Variants in PDE9A observed in about 807,000 individuals in gnomAD.
PDE9A encodes the protein phosphodiesterase 9A, also known as high affinity cGMP-specific 3',5'-cyclic phosphodiesterase 9A.
Under a neutral mutation model 87.4 loss-of-function variants are expected in PDE9A, and 60 were observed. That is an observed-to-expected ratio of 0.69 (90% CI 0.56 to 0.85). PDE9A has a LOEUF of 0.85. Among genes scored for constraint, PDE9A ranks in the 40% least tolerant of loss-of-function variants. PDE9A has a pLI of 0.00. For missense variants in PDE9A, 665 were observed against 779.0 expected (o/e 0.85, Z 1.74); for synonymous variants, 272 against 279.4 (o/e 0.97, Z 0.27).
chr21:42,716,711 T>C (rs1237524376), intron 4 of PDE9A, among the ~76,000 whole-genome samples: 1 of 150,792 alleles, frequency 6.6e-6, no homozygotes, highest in Non-Finnish European at 1.5e-5. Flanking sequence ...TATATCTGCA[T>C]ACATTTTAAG....
Position 42,759,025 on chromosome 21 carries a change from C to T in PDE9A, c.837C>T (p.Tyr279=). 1 of 1,614,080 alleles carries T rather than the reference C, an allele frequency of 6.2e-7. No homozygotes were observed. ...NEMLSCLEHM[Y]HDLGLVRDFS... The stretch of plus-strand genomic sequence containing the variant: ...TGCTGAGCTGCCTGGAGCACATGTA[C>T]CACGACCTCGGGCTGGTCAGGGACT... The change falls in exon 11 of 20, where the codon TAC becomes TAT. Residue 279 remains tyrosine (Y), a synonymous_variant. Transcript: ENST00000291539. The surrounding 1 kb of genome is among the most constrained non-coding windows in gnomAD (Gnocchi z 7.2).
At chr21:42,703,202 G>A (rs1322137628) in intron 4 of PDE9A, among the ~76,000 whole-genome samples, 1 of 152,248 alleles carries the variant, frequency 6.6e-6, no homozygotes, top group Non-Finnish European at 1.5e-5. Flanking sequence ...TGCTGCGGGT[G>A]GGCTTGGTCT....
chr21:42,747,868 T>TG (rs951554085), intron 8 of PDE9A, among the ~76,000 whole-genome samples: 1 of 152,196 alleles, frequency 6.6e-6, no homozygotes, highest in Non-Finnish European at 1.5e-5. Context: ...AGAAGGGGGA[T>TG]GGGGACCCCA....
chr21:42,672,810 G>A (rs747015904), intron 1 of PDE9A, among the ~76,000 whole-genome samples: 85 of 152,220 alleles, frequency 5.6e-4, no homozygotes, highest in Admixed American at 2.6e-4. Flanking sequence ...AGTTGGATGT[G>A]GCTGCTAATC....
chr21:42,771,042 C>CA (rs1555959153), intron 18 of PDE9A, among the ~76,000 whole-genome samples: 1 of 152,234 alleles, frequency 6.6e-6, no homozygotes, highest in Non-Finnish European at 1.5e-5. Context: ...GTTTACTGGC[C>CA]GTGCCCTTCA....
chr21:42,685,167 T>G (rs1171751047), intron 1 of PDE9A, among the ~76,000 whole-genome samples: 1 of 152,230 alleles, frequency 6.6e-6, no homozygotes, highest in African/African-American at 2.4e-5. Flanking sequence ...TTCCGCGCTC[T>G]GTCCAGCCCT....
At chr21:42,677,724 T>C (rs937726661) in intron 1 of PDE9A, among the ~76,000 whole-genome samples, 1 of 152,070 alleles carries the variant, frequency 6.6e-6, no homozygotes, top group Non-Finnish European at 1.5e-5. Context: ...CTCACCGCAG[T>C]CTCCACATCC....
Position 42,659,492 on chromosome 21 carries a change from A to C in PDE9A, c.69+5609A>C, listed in dbSNP as rs2057327549. ...GAAGTGGAGGCTCACTGTGCAGTCC[A>C]CGCGGAGCAATGGGGTGAAGTTTCC... is the stretch of plus-strand genomic sequence containing the variant. On this transcript the variant is annotated intron_variant, in intron 1 of 19. Transcript: ENST00000291539. The surrounding 1 kb of genome is among the most constrained non-coding windows in gnomAD (Gnocchi z 4.1). Among the ~76,000 whole-genome samples, 1 of 152,192 alleles carries C rather than the reference A, an allele frequency of 6.6e-6. No individual in the cohort carries two copies. The highest frequency in any genetic ancestry group is 1.5e-5 in the Non-Finnish European group (1 of 68,028).
chr21:42,686,400 A>C, intron 2 of PDE9A, 138 bp downstream of exon 2: 13 of 651,774 alleles, frequency 2.0e-5, no homozygotes, highest in East Asian at 2.8e-5. Flanking sequence ...AAATCAATCA[A>C]TGCGCAGAAT....
chr21:42,725,311 C>A (rs1012789045), intron 4 of PDE9A, among the ~76,000 whole-genome samples: 7 of 152,104 alleles, frequency 4.6e-5, no homozygotes, highest in Admixed American at 4.6e-4. Flanking sequence ...AATCTCGGCT[C>A]ACCCCACAAC....
intron 1 of PDE9A, among the ~76,000 whole-genome samples, chr21:42,655,820 C>G (rs973227820): frequency 6.6e-6 from 1 of 152,042 alleles, no homozygotes; most frequent in Admixed American, 6.5e-5. Context: ...ACCCCCACCC[C>G]GCCCCCCATC....
intron 1 of PDE9A, among the ~76,000 whole-genome samples, chr21:42,682,245 T>C (rs2059205797): frequency 6.6e-6 from 1 of 152,210 alleles, no homozygotes; most frequent in African/African-American, 2.4e-5. Flanking sequence ...GAACCCTAAA[T>C]GTATAAGGAG....
intron 7 of PDE9A, among the ~76,000 whole-genome samples, chr21:42,742,948 T>TAA (rs1312384409): frequency 6.6e-6 from 1 of 152,202 alleles, no homozygotes; most frequent in Non-Finnish European, 1.5e-5. Context: ...GCGTGACTCT[T>TAA]AAACTGTAAT....
At chr21:42,690,299 G>C (rs2059742475) in intron 3 of PDE9A, among the ~76,000 whole-genome samples, 1 of 152,194 alleles carries the variant, frequency 6.6e-6, no homozygotes, top group South Asian at 2.1e-4. Context: ...GTTAGACGCG[G>C]ATGAGGATAT....
Position 42,702,879 on chromosome 21 carries a change from G to A in PDE9A, c.262+3868G>A, listed in dbSNP as rs1037059124. Among the ~76,000 whole-genome samples the A allele has an allele frequency of 6.6e-6, 1 of 152,250 alleles. No individual in the cohort carries two copies. The highest frequency in any genetic ancestry group is 1.5e-5 in the Non-Finnish European group (1 of 68,040). On this transcript the variant is annotated intron_variant, in intron 4 of 19. Transcript: ENST00000291539. This position sits in a 1 kb window ranked among gnomAD's most constrained non-coding sequence, Gnocchi z 4.9. ...GCTTTTATGCTGAGTGGCGTGGGCA[G>A]CTATTAGAAGGCTTTCAGGAGAGGA... is the stretch of plus-strand genomic sequence containing the variant.
chr21:42,674,576 G>T (rs1280356441), intron 1 of PDE9A, among the ~76,000 whole-genome samples: 1 of 152,054 alleles, frequency 6.6e-6, no homozygotes, highest in Non-Finnish European at 1.5e-5. Context: ...AACCAGGGAG[G>T]CCTCTCCCCT....
rs34238765 is a variant in PDE9A at position 42,674,316 on chromosome 21, C to CTTTTTTTTTTTTTTTTT, written c.70-11875_70-11859dup. ...GCTGGAGCTTTAGGCTTTAGACATT[C>CTTTTTTTTTTTTTTTTT]TTTTTTTTTTTTTTTTTGAGACAGG... On this transcript the variant is annotated intron_variant, in intron 1 of 19. Coordinates refer to ENST00000291539, the MANE Select transcript of PDE9A (RefSeq NM_002606.3). 7.6e-4 allele frequency among the ~76,000 whole-genome samples: 102 copies of CTTTTTTTTTTTTTTTTT among 134,558 alleles called. 2 individuals carry two copies. The highest frequency in any genetic ancestry group is 4.1e-3 in the Middle Eastern group (1 of 244). The allele number at this position is 134,558 out of a possible 152,430, so 88.3% of individuals were successfully genotyped here.
At chr21:42,670,370 T>C (rs573315325) in intron 1 of PDE9A, among the ~76,000 whole-genome samples, 122 of 106,404 alleles carry the variant, frequency 1.1e-3, no homozygotes, top group Admixed American at 2.0e-3. Flanking sequence ...ACACACACAT[T>C]CACACACATT....
chr21:42,685,148 C>T (rs1164311589), intron 1 of PDE9A, among the ~76,000 whole-genome samples: 1 of 152,218 alleles, frequency 6.6e-6, no homozygotes, highest in Admixed American at 6.5e-5. Flanking sequence ...GGGGCCTCGG[C>T]GTGGCCCGTT....
Sources: allele counts gnomAD v4.1 joint callset (sites outside exome capture counted in the v4.1 genomes callset), GRCh38; gene constraint gnomAD v4.1.1; non-coding constraint Gnocchi (gnomAD v3.1); transcripts MANE v1.5; gene names NCBI Gene and HGNC (gene_info 2026-07-23, HGNC 2026-07-21).